The following CFAP20DC variants were observed in gnomAD, a reference collection of about 807,000 sequenced individuals.
CFAP20DC encodes the protein protein CFAP20DC.
In CFAP20DC, 84 loss-of-function variants were observed where a neutral mutation model predicts 101.7. The ratio of observed to expected loss-of-function variants is 0.83; its 90% CI spans 0.69 to 0.99. The LOEUF (loss-of-function observed/expected upper bound fraction) is 0.99, where lower values mean the gene tolerates loss of function less well. Among genes scored for constraint, CFAP20DC ranks in the 50% least tolerant of loss-of-function variants. The pLI is 0.00. For synonymous variants in CFAP20DC, 359 were observed against 351.2 expected (o/e 1.02, Z -0.25); for missense variants, 1,007 against 970.3 (o/e 1.04, Z -0.50).
intron 4 of CFAP20DC, among the ~76,000 whole-genome samples, chr3:58,949,904 T>C (rs1035596755): frequency 6.6e-6 from 1 of 152,114 alleles, no homozygotes; most frequent in Non-Finnish European, 1.5e-5. Flanking sequence ...CAACATAGTG[T>C]TGGAAGTTCT....
chr3:58,913,593 A>C lies in CFAP20DC; in HGVS notation c.550+115T>G. 2.0e-6 allele frequency: 2 copies of C among 1,004,308 alleles called. No individual in the cohort carries two copies. The highest frequency in any genetic ancestry group is 3.1e-6 in the Non-Finnish European group (2 of 639,902). The allele number at this position is 1,004,308 out of a possible 1,614,324, so 62.2% of individuals were successfully genotyped here. A position where few individuals can be genotyped will look rare whatever the true frequency, so the allele number is the denominator to read the frequency against. On this transcript the variant is annotated intron_variant, in intron 6 of 16. Coordinates refer to ENST00000482387, the MANE Select transcript of CFAP20DC (RefSeq NM_001394063.1). This position sits in a 1 kb window ranked among gnomAD's most constrained non-coding sequence, Gnocchi z 4.4. The stretch of plus-strand genomic sequence containing the variant: ...AATCAGCATGACTGTTGACAAATTT[A>C]CTTTAGCAGACATAACATCAAACTG...
chr3:58,897,063 T>C lies in CFAP20DC; in HGVS notation c.551-12354A>G, dbSNP rs2082724176. ...TAAGAACCTGCTTTATGAACCTGCA[T>C]GCTCCTGTATTGGGTGCATATGTAT... On this transcript the variant is annotated intron_variant, in intron 6 of 16. Transcript: ENST00000482387. The surrounding 1 kb of genome is among the most constrained non-coding windows in gnomAD (Gnocchi z 4.4). 6.6e-6 allele frequency among the ~76,000 whole-genome samples: 1 copy of C among 152,250 alleles called. No homozygotes were observed. The highest frequency in any genetic ancestry group is 1.5e-5 in the Non-Finnish European group (1 of 68,046).
intron 4 of CFAP20DC, among the ~76,000 whole-genome samples, chr3:58,973,331 T>A (rs1266256197): frequency 6.6e-6 from 1 of 152,228 alleles, no homozygotes; most frequent in Non-Finnish European, 1.5e-5. Flanking sequence ...TAAGTCATGC[T>A]TGACTCACAT....
chr3:58,930,148 T>C (rs2086437103), intron 5 of CFAP20DC, among the ~76,000 whole-genome samples: 2 of 152,200 alleles, frequency 1.3e-5, no homozygotes, highest in African/African-American at 4.8e-5. Context: ...TGTACCACAT[T>C]GTATGGAAAA....
intron 4 of CFAP20DC, among the ~76,000 whole-genome samples, chr3:59,026,000 C>T (rs541353305): frequency 1.3e-5 from 2 of 152,036 alleles, no homozygotes; most frequent in South Asian, 2.1e-4. Flanking sequence ...GATTTATATA[C>T]CTACCACATA....
At chr3:58,925,802 A>G (rs1015895314) in intron 5 of CFAP20DC, among the ~76,000 whole-genome samples, 1 of 152,236 alleles carries the variant, frequency 6.6e-6, no homozygotes. Flanking sequence ...GAAGTGACAG[A>G]ACCAGAATCT....
intron 6 of CFAP20DC, among the ~76,000 whole-genome samples, chr3:58,896,512 G>T: frequency 6.6e-6 from 1 of 151,952 alleles, no homozygotes; most frequent in East Asian, 1.9e-4. Flanking sequence ...TTTTTGATGT[G>T]GGCATTTAGT....
At chr3:58,815,143 C>G (rs1346972301) in intron 14 of CFAP20DC, among the ~76,000 whole-genome samples, 1 of 150,714 alleles carries the variant, frequency 6.6e-6, no homozygotes, top group African/African-American at 2.4e-5. Flanking sequence ...CAGCATGGTA[C>G]TGGTACCAAA....
chr3:58,880,844 T>C (rs906043673), intron 7 of CFAP20DC, among the ~76,000 whole-genome samples: 18 of 152,256 alleles, frequency 1.2e-4, no homozygotes, highest in African/African-American at 4.1e-4. Context: ...ACGTAAGAGA[T>C]GACTGAGTTT....
chr3:58,986,122 T>TA (rs1300937513), intron 4 of CFAP20DC, among the ~76,000 whole-genome samples: 3 of 152,150 alleles, frequency 2.0e-5, no homozygotes, highest in Non-Finnish European at 2.9e-5. Context: ...TACAAATACA[T>TA]AGTCTGCGAA....
At chr3:58,986,079 C>T (rs2092740178) in intron 4 of CFAP20DC, among the ~76,000 whole-genome samples, 1 of 152,192 alleles carries the variant, frequency 6.6e-6, no homozygotes, top group African/African-American at 2.4e-5. Flanking sequence ...ATTTTATCAA[C>T]ATGAACTGAG....
chr3:58,753,705 G>C, intron 16 of CFAP20DC, 64 bp downstream of exon 16: 2 of 1,071,910 alleles, frequency 1.9e-6, no homozygotes, highest in Non-Finnish European at 1.4e-6. Context: ...CAAAGTGATG[G>C]ATTCTCTCTA....
chr3:58,866,130 C>G (rs1031970978), intron 11 of CFAP20DC, among the ~76,000 whole-genome samples: 2 of 152,188 alleles, frequency 1.3e-5, no homozygotes, highest in Non-Finnish European at 2.9e-5. Context: ...TGACAAACCA[C>G]AAACAATTTT....
intron 4 of CFAP20DC, among the ~76,000 whole-genome samples, chr3:59,012,890 G>T (rs948968922): frequency 1.3e-5 from 2 of 152,140 alleles, no homozygotes; most frequent in Admixed American, 6.6e-5. Flanking sequence ...ATGTAATGTG[G>T]TTTATTAATA....
At chr3:58,921,282 C>T (rs1397563789) in intron 5 of CFAP20DC, among the ~76,000 whole-genome samples, 1 of 151,886 alleles carries the variant, frequency 6.6e-6, no homozygotes, top group Non-Finnish European at 1.5e-5. Context: ...TTTCTGTACA[C>T]ATCAGTTTAA....
At chr3:58,862,279 G>T in intron 12 of CFAP20DC, 1 of 985,368 alleles carries the variant, frequency 1.0e-6, no homozygotes, top group Non-Finnish European at 1.2e-6. Flanking sequence ...TAATCAGCCA[G>T]TTTAGACCAT....
At position 58,859,130 on chromosome 3, in the gene CFAP20DC, CAAATA is replaced by C. The variant is rs1172224389; in HGVS notation, c.1593+4423_1593+4427del. On this transcript the variant is annotated intron_variant, in intron 12 of 16. Coordinates refer to ENST00000482387, the MANE Select transcript of CFAP20DC (RefSeq NM_001394063.1). The surrounding 1 kb of genome is among the most constrained non-coding windows in gnomAD (Gnocchi z 4.1). ...ATAATACATTTTACGAGTTTGTAAA[CAAATA>C]AAATAAAAGGAAGATACCACAGTTT... Among the ~76,000 whole-genome samples the C allele has an allele frequency of 5.9e-5, 9 of 152,124 alleles. No individual in the cohort carries two copies. Among genetic ancestry groups the C allele is most frequent in the Non-Finnish European group, 1.0e-4 (7 of 67,964 alleles).
chr3:58,919,217 A>G (rs2085068627), intron 5 of CFAP20DC, among the ~76,000 whole-genome samples: 1 of 152,176 alleles, frequency 6.6e-6, no homozygotes, highest in Non-Finnish European at 1.5e-5. Flanking sequence ...TTCACTCAGC[A>G]TAATATTTAA....
intron 6 of CFAP20DC, among the ~76,000 whole-genome samples, chr3:58,893,417 C>T (rs55785833): frequency 0.01 from 1,556 of 152,216 alleles, 21 homozygotes; most frequent in Non-Finnish European, 0.016. Context: ...GTCTTTGGTT[C>T]TGTGTATGTG....
Sources: allele counts gnomAD v4.1 joint callset (sites outside exome capture counted in the v4.1 genomes callset), GRCh38; gene constraint gnomAD v4.1.1; non-coding constraint Gnocchi (gnomAD v3.1); transcripts MANE v1.5; gene names NCBI Gene and HGNC (gene_info 2026-07-23, HGNC 2026-07-21).